LYST: variants seen among roughly 807,000 people sequenced by gnomAD.
The protein encoded by LYST is lysosomal-trafficking regulator.
A neutral mutation model predicts 413.6 loss-of-function variants in LYST; 192 were observed. The ratio of observed to expected loss-of-function variants is 0.46; its 90% confidence interval spans 0.41 to 0.52. LYST has a LOEUF of 0.52. LYST is among the 20% of genes least tolerant of loss of function. LYST has a pLI of 0.00. For missense variants in LYST, 3,815 were observed against 4,499.9 expected, an observed-to-expected ratio of 0.85 and a Z score of 4.35; for synonymous variants, 1,525 against 1,567.3, an observed-to-expected ratio of 0.97 and a Z score of 0.64.
chr1:235,778,296 T>C (rs1669515022), intron 16 of LYST, among the ~76,000 whole-genome samples: 2 of 151,462 alleles, frequency 1.3e-5, no homozygotes, highest in African/African-American at 4.9e-5. Context: ...AAACCCAGGC[T>C]TAGGGAAATC....
chr1:235,685,483 C>T (rs1660141623), intron 48 of LYST, among the ~76,000 whole-genome samples: 1 of 152,052 alleles, frequency 6.6e-6, no homozygotes, highest in African/African-American at 2.4e-5. Flanking sequence ...AAAATATGGT[C>T]ACATTTATAC....
At chr1:235,805,198 G>A (rs1359904325) in intron 6 of LYST, among the ~76,000 whole-genome samples, 1 of 152,194 alleles carries the variant, frequency 6.6e-6, no homozygotes, top group African/African-American at 2.4e-5. Context: ...GTGAGGTAAA[G>A]CAGAAGAGGT....
At chr1:235,693,913 C>T (rs1402559986) in intron 46 of LYST, among the ~76,000 whole-genome samples, 1 of 152,134 alleles carries the variant, frequency 6.6e-6, no homozygotes, top group African/African-American at 2.4e-5. Context: ...GGAAGCAACA[C>T]CTAGCCTGAG....
chr1:235,877,409 G>T (rs1681185529), intron 1 of LYST, among the ~76,000 whole-genome samples: 1 of 152,126 alleles, frequency 6.6e-6, no homozygotes, highest in African/African-American at 2.4e-5. Flanking sequence ...GGTCAACTTT[G>T]TTGTTGTTGT....
chr1:235,767,449 G>T (rs1668253917), intron 20 of LYST, among the ~76,000 whole-genome samples: 1 of 152,068 alleles, frequency 6.6e-6, no homozygotes, highest in Admixed American at 6.6e-5. Context: ...CAGGAACATA[G>T]ATCTCCCGAC....
At chr1:235,739,548 C>T (rs1305027449) in intron 31 of LYST, among the ~76,000 whole-genome samples, 1 of 145,974 alleles carries the variant, frequency 6.9e-6, no homozygotes, top group Non-Finnish European at 1.5e-5. Flanking sequence ...TACATATAAA[C>T]AATGCAACCA....
rs952824287 is a variant in LYST, at chr1:235,866,895, C to T, written c.-150G>A. On this transcript the variant is annotated 5_prime_UTR_variant, in exon 1 of 53. Transcript: ENST00000389793. ...GCACTCCCCCTCTCCCGGAGAACCC[C>T]GAGCCGACGCCGCTGCCGCCGCCGC... 7 of 154,118 alleles carry T rather than the reference C, an allele frequency of 4.5e-5. No homozygotes were observed. Among genetic ancestry groups the T allele is most frequent in the East Asian group, 1.9e-4 (1 of 5,230 alleles). 9.5% of individuals were successfully genotyped at this position (154,118 alleles called of 1,614,324 possible). A position where few individuals can be genotyped will look rare whatever the true frequency, so the allele number is the denominator to read the frequency against.
chr1:235,795,208 C>T (rs1399379022), intron 10 of LYST, among the ~76,000 whole-genome samples: 1 of 152,128 alleles, frequency 6.6e-6, no homozygotes, highest in East Asian at 1.9e-4. Flanking sequence ...TGAATATCCA[C>T]CTCTCTCCTG....
chr1:235,730,940 A>G lies in LYST; in HGVS notation c.8951T>C (p.Val2984Ala), dbSNP rs1265001019. 3 of 1,611,838 alleles carry G rather than the reference A, an allele frequency of 1.9e-6. No individual in the cohort carries two copies. The highest frequency in any genetic ancestry group is 2.2e-5 in the South Asian group (2 of 91,028). Residue 2984 changes from valine (V) to alanine (A), a missense_variant, in exon 36 of 53, where the codon GTT (valine) becomes GCT (alanine). Val to Ala is a moderately conservative substitution (Grantham distance 64). Around this residue, in one of 4 missense-constraint regions of LYST, gnomAD observed 866 missense variants for 1,156.0 expected, o/e 0.75. Transcript: ENST00000389793. Reference sequence around the variant, plus strand: ...CAGGTAAGAGAGTGGTGGTTTGACAACATCTGTTGAGGAGAAAAGTAAATA... The same window carrying G: ...CAGGTAAGAGAGTGGTGGTTTGACAGCATCTGTTGAGGAGAAAAGTAAATA... ...LLRDRQKSED[V>A]VKPPLSYLFE...
At chr1:235,844,632 T>C (rs1242842767) in intron 1 of LYST, among the ~76,000 whole-genome samples, 1 of 152,128 alleles carries the variant, frequency 6.6e-6, no homozygotes, top group East Asian at 1.9e-4. Flanking sequence ...TCCAGAACCT[T>C]TACTCAAGTC....
At chr1:235,873,809 A>G (rs1400773408) in intron 1 of LYST, among the ~76,000 whole-genome samples, 1 of 152,230 alleles carries the variant, frequency 6.6e-6, no homozygotes, top group Non-Finnish European at 1.5e-5. Flanking sequence ...CCTACACAAT[A>G]GACAGGCTAA....
chr1:235,869,340 C>T (rs189174982), upstream of LYST, among the ~76,000 whole-genome samples: 414 of 152,214 alleles, frequency 2.7e-3, 9 homozygotes, highest in East Asian at 0.033. Context: ...GGCGCGGTGG[C>T]GGACGCCTGT....
At chr1:235,827,377 A>G in intron 3 of LYST, 1 of 944,282 alleles carries the variant, frequency 1.1e-6, no homozygotes, top group Non-Finnish European at 1.3e-6. Flanking sequence ...TCAAAAATAA[A>G]TAAATAAATA....
intron 14 of LYST, 43 bp from the exon 15 acceptor site, chr1:235,782,130 AGTC>A: frequency 2.0e-6 from 3 of 1,526,046 alleles, no homozygotes; most frequent in South Asian, 2.3e-5. Flanking sequence ...GACTTTAGGA[AGTC>A]TAGTACTAAG....
intron 43 of LYST, among the ~76,000 whole-genome samples, chr1:235,710,101 T>C (rs1438407195): frequency 6.6e-6 from 1 of 152,220 alleles, no homozygotes; most frequent in Non-Finnish European, 1.5e-5. Context: ...AATGACCTTT[T>C]AAAAGCTGAT....
chr1:235,693,147 C>G (rs1422602354), intron 47 of LYST, among the ~76,000 whole-genome samples: 1 of 151,992 alleles, frequency 6.6e-6, no homozygotes, highest in Admixed American at 6.6e-5. Context: ...AATCCCGTCT[C>G]TACTAAAAGA....
At chr1:235,751,146 A>C in intron 28 of LYST, 64 bp downstream of exon 28, 1 of 1,440,564 alleles carries the variant, frequency 6.9e-7, no homozygotes, top group East Asian at 2.3e-5. Flanking sequence ...TGAATGGCAT[A>C]AGAACATAGG....
Position 235,777,155 on chromosome 1 carries a change from G to C in LYST, c.5368C>G (p.Leu1790Val). 1 of 1,613,490 alleles carries C rather than the reference G, an allele frequency of 6.2e-7. No homozygotes were observed. Among genetic ancestry groups the C allele is most frequent in the African/African-American group, 1.3e-5 (1 of 74,998 alleles). The change falls in exon 17 of 53, where the codon CTA (leucine) becomes GTA (valine). Residue 1790 changes from leucine (L) to valine (V), a missense_variant. By Grantham distance (32) the Leu-to-Val change is conservative (BLOSUM62 1). Around this residue, in one of 4 missense-constraint regions of LYST, gnomAD observed 530 missense variants for 696.5 expected, o/e 0.76. Transcript: ENST00000389793. ...TATTCAGTAGGTTGGAGATTCTTTA[G>C]ATGATGAGGTTCTAATAAGATGCTC... Reference protein sequence around the residue: ...VQSILLEPHHLKNLQPTEYKT... With the variant: ...VQSILLEPHHVKNLQPTEYKT...
chr1:235,810,308 G>A lies in LYST; in HGVS notation c.510C>T (p.Ala170=). 1 of 1,614,060 alleles carries A rather than the reference G, an allele frequency of 6.2e-7. No individual in the cohort carries two copies. The highest frequency in any genetic ancestry group is 8.5e-7 in the Non-Finnish European group (1 of 1,179,954). The change falls in exon 5 of 53, where the codon GCC becomes GCT. Residue 170 remains alanine (A), a synonymous_variant. Transcript: ENST00000389793. ...TTGCTATGCCTTTTTCATCTGAATT[G>A]GCTTCTGAATCTGAGGTGGAGAGCT... ...KTQLSTSDSE[A]NSDEKGIAMN...
Sources: allele counts gnomAD v4.1 joint callset (sites outside exome capture counted in the v4.1 genomes callset), GRCh38; gene constraint gnomAD v4.1.1; regional missense constraint gnomAD v4.1.1; transcripts MANE v1.5; gene names NCBI Gene and HGNC (gene_info 2026-07-23, HGNC 2026-07-21).